OAS2: variants seen among roughly 807,000 people sequenced by gnomAD.
OAS2 encodes the protein 2'-5'-oligoadenylate synthase 2.
In OAS2, 67 loss-of-function variants were observed where a neutral mutation model predicts 71.3. The ratio of observed to expected loss-of-function variants is 0.94; its 90% CI spans 0.77 to 1.15. The LOEUF (loss-of-function observed/expected upper bound fraction) is 1.15. Ranked by LOEUF, OAS2 falls within the 50% of genes most tolerant of loss-of-function variation. OAS2 has a pLI of 0.00. For missense variants in OAS2, 789 were observed against 822.5 expected, an observed-to-expected ratio of 0.96 and a Z score of 0.50; for synonymous variants, 327 against 321.8, an observed-to-expected ratio of 1.02 and a Z score of -0.17.
chr12:112,990,132 A>AC (rs893866506), intron 2 of OAS2, among the ~76,000 whole-genome samples: 7 of 152,220 alleles, frequency 4.6e-5, no homozygotes, highest in African/African-American at 1.7e-4. Flanking sequence ...TAGGAAGTTG[A>AC]CCAAAAAGGC....
At chr12:112,992,414 G>A (rs1249230602) in intron 2 of OAS2, among the ~76,000 whole-genome samples, 6 of 134,654 alleles carry the variant, frequency 4.5e-5, no homozygotes, top group South Asian at 2.8e-4. Flanking sequence ...AAGAAAGAAA[G>A]AAAAGAAAAG....
At chr12:113,000,320 A>G (rs2044271701) in intron 5 of OAS2, among the ~76,000 whole-genome samples, 1 of 152,004 alleles carries the variant, frequency 6.6e-6, no homozygotes, top group Non-Finnish European at 1.5e-5. Context: ...CATCTCCTAA[A>G]CCATCTTTTG....
chr12:112,987,446 G>T, intron 2 of OAS2, 138 bp downstream of exon 2: 1 of 1,461,232 alleles, frequency 6.8e-7, no homozygotes. Flanking sequence ...CAGGAGAGAA[G>T]AATCCCTTCT....
rs762720259 is a variant in OAS2 at position 112,998,249 on chromosome 12, T to A, written c.864-17T>A. The A allele has an allele frequency of 1.9e-6, 3 of 1,606,794 alleles. No individual in the cohort carries two copies. The highest frequency in any genetic ancestry group is 2.5e-6 in the Non-Finnish European group (3 of 1,177,546). Reference sequence around the variant, plus strand: ...AAGCAGCTCAACTGACTTTTTTTAATCTAATGGAATACACAGGCCAGTAAT... The same window carrying A: ...AAGCAGCTCAACTGACTTTTTTTAAACTAATGGAATACACAGGCCAGTAAT... On this transcript the variant is annotated splice_polypyrimidine_tract_variant and intron_variant, in intron 4 of 9. Coordinates refer to ENST00000392583, the MANE Select transcript of OAS2 (RefSeq NM_002535.3).
At chr12:113,000,481 T>TAC (rs10543521) in intron 5 of OAS2, among the ~76,000 whole-genome samples, 23 of 150,554 alleles carry the variant, frequency 1.5e-4, no homozygotes, top group South Asian at 4.2e-4. Context: ...CATGCACACA[T>TAC]ACACACACAC....
Position 112,987,403 on chromosome 12 carries a change from T to C in OAS2, c.448+95T>C, listed in dbSNP as rs372539409. 8.7e-5 allele frequency: 133 copies of C among 1,522,948 alleles called. No individual in the cohort carries two copies. The African/African-American group carries it at 1.7e-3, about 19-fold the overall frequency. The allele number at this position is 1,522,948 out of a possible 1,614,324, so 94.3% of individuals were successfully genotyped here. A position where few individuals can be genotyped will look rare whatever the true frequency, so the allele number is the denominator to read the frequency against. On this transcript the variant is annotated intron_variant, in intron 2 of 9. Coordinates refer to ENST00000392583, the MANE Select transcript of OAS2 (RefSeq NM_002535.3). ...AGGCCATGAGTGGGATAGATACCACTGCTGCTTTAAAAAATGGGAGACCAT... is the reference window on the plus strand; with the variant it reads ...AGGCCATGAGTGGGATAGATACCACCGCTGCTTTAAAAAATGGGAGACCAT...
At chr12:112,993,180 G>A (rs530346308) in intron 2 of OAS2, among the ~76,000 whole-genome samples, 2 of 152,156 alleles carry the variant, frequency 1.3e-5, no homozygotes, top group East Asian at 3.9e-4. Flanking sequence ...AACTAATCTG[G>A]CCTATTTTTA....
chr12:113,009,889 C>T lies in OAS2; in HGVS notation c.*634C>T. ...CCTACCAAGATATACCTGATATATT[C>T]CACCAGGATATCCTCCCTCCAGATA... On this transcript the variant is annotated 3_prime_UTR_variant, in exon 10 of 10. Coordinates refer to ENST00000392583, the MANE Select transcript of OAS2 (RefSeq NM_002535.3). 1 of 986,940 alleles carries T rather than the reference C, an allele frequency of 1.0e-6. No homozygotes were observed. The highest frequency in any genetic ancestry group is 1.2e-6 in the Non-Finnish European group (1 of 831,098). 61.1% of individuals were successfully genotyped at this position (986,940 alleles called of 1,614,324 possible).
At chr12:113,008,715 T>C (rs1021413361) in intron 9 of OAS2, among the ~76,000 whole-genome samples, 1 of 152,156 alleles carries the variant, frequency 6.6e-6, no homozygotes, top group Non-Finnish European at 1.5e-5. Context: ...AACCTCTGCC[T>C]CCCGGGTTCA....
Position 113,009,113 on chromosome 12 carries a change from C to T in OAS2, c.1922C>T (p.Pro641Leu). Residue 641 changes from proline to leucine, a missense_variant, in exon 10 of 10, where the codon CCC becomes CTC. Coordinates refer to ENST00000392583, the MANE Select transcript of OAS2 (RefSeq NM_002535.3). ...CCTGTGATCTTGGACCCAGCCGAAC[C>T]CACAGGTGACGTGGGTGGAGGGGAC... ...TRPVILDPAE[P>L]TGDVGGGDRW... 1 of 1,613,814 alleles carries T rather than the reference C, an allele frequency of 6.2e-7. No individual in the cohort carries two copies. Among genetic ancestry groups the T allele is most frequent in the South Asian group, 1.1e-5 (1 of 91,060 alleles).
intron 2 of OAS2, chr12:112,987,754 AG>A (rs1321459565): frequency 1.0e-6 from 1 of 1,001,482 alleles, no homozygotes; most frequent in Non-Finnish European, 1.2e-6. Context: ...ATCTGGGAAA[AG>A]TCCAGCTGGG....
intron 2 of OAS2, 94 bp downstream of exon 2, chr12:112,987,402 C>T: frequency 6.6e-7 from 1 of 1,524,756 alleles, no homozygotes; most frequent in Non-Finnish European, 8.8e-7. Flanking sequence ...ATAGATACCA[C>T]TGCTGCTTTA....
Position 113,006,574 on chromosome 12 carries a change from C to A in OAS2, c.1630C>A (p.Arg544Ser). 6.2e-7 allele frequency: 1 copy of A among 1,607,956 alleles called. No homozygotes were observed. The highest frequency in any genetic ancestry group is 1.1e-5 in the South Asian group (1 of 90,584). The change falls in exon 8 of 10, where the codon CGC becomes AGC. Residue 544 changes from arginine (R) to serine (S), a missense_variant. Physicochemically the swap from Arg to Ser is moderately radical, Grantham distance 110. Transcript: ENST00000392583. ...GCCCACCAAACTAAAGGATTTAATT[C>A]GCCTGGTGAAGCACTGGTACAAAGA... is the stretch of plus-strand genomic sequence containing the variant. ...SRPTKLKDLIRLVKHWYKECE... is the reference protein window; with the variant it reads ...SRPTKLKDLISLVKHWYKECE...
rs535286783 is a variant in OAS2 at position 112,994,944 on chromosome 12, T to C, written c.449-352T>C. Among the ~76,000 whole-genome samples the C allele has an allele frequency of 7.9e-5, 12 of 152,350 alleles. No homozygotes were observed. In the South Asian group the frequency reaches 2.5e-3, roughly 32 times the overall value. ...ACTTTCCTTTCTTCCAGATGTATGC[T>C]AACTATGCCAACACAAACAATTTTT... On this transcript the variant is annotated intron_variant, in intron 2 of 9. Coordinates refer to ENST00000392583, the MANE Select transcript of OAS2 (RefSeq NM_002535.3).
intron 8 of OAS2, 108 bp from the exon 9 acceptor site, chr12:113,007,597 A>G (rs1472378915): frequency 2.3e-6 from 2 of 861,130 alleles, no homozygotes; most frequent in Non-Finnish European, 3.8e-6. Context: ...GCAGAGTGTG[A>G]GCACACCAGC....
Position 113,007,743 on chromosome 12 carries a change from A to C in OAS2, c.1695A>C (p.Pro565=), listed in dbSNP as rs754902809. ...TGAAGCCAAAGGGGTCTTTGCCCCC[A>C]AAGTATGCCTTGGAGCTGCTCACCA... is the stretch of plus-strand genomic sequence containing the variant. ...RKLKPKGSLP[P]KYALELLTIY... The change falls in exon 9 of 10, where the codon CCA becomes CCC. Residue 565 remains proline (P), a synonymous_variant. Coordinates refer to ENST00000392583, the MANE Select transcript of OAS2 (RefSeq NM_002535.3). The C allele has an allele frequency of 6.2e-7, 1 of 1,613,984 alleles. No homozygotes were observed. The highest frequency in any genetic ancestry group is 1.7e-5 in the Admixed American group (1 of 60,004).
chr12:113,001,258 T>G (rs893220535), intron 5 of OAS2, among the ~76,000 whole-genome samples: 18 of 151,864 alleles, frequency 1.2e-4, no homozygotes, highest in African/African-American at 4.4e-4. Flanking sequence ...GCAAGGGAGA[T>G]CAAGGTTGCA....
chr12:113,008,101 T>C (rs1369917763), intron 9 of OAS2, among the ~76,000 whole-genome samples, 158 bp downstream of exon 9: 2 of 152,066 alleles, frequency 1.3e-5, no homozygotes, highest in Non-Finnish European at 2.9e-5. Flanking sequence ...GGATAAAACC[T>C]AGCAGGGGCA....
At position 113,004,343 on chromosome 12, in the gene OAS2, A is replaced by G. The variant is rs534179648; in HGVS notation, c.1180-591A>G. Among the ~76,000 whole-genome samples the G allele has an allele frequency of 8.5e-5, 13 of 152,280 alleles. No homozygotes were observed. The South Asian group carries it at 2.7e-3, about 32-fold the overall frequency. On this transcript the variant is annotated intron_variant, in intron 6 of 9. Transcript: ENST00000392583. ...TTAATACCCATGGATAAAATAAAACATTTTTCTCTACAGAAACTAAATGGA... is the reference window on the plus strand; with the variant it reads ...TTAATACCCATGGATAAAATAAAACGTTTTTCTCTACAGAAACTAAATGGA...
Sources: allele counts gnomAD v4.1 joint callset (sites outside exome capture counted in the v4.1 genomes callset), GRCh38; gene constraint gnomAD v4.1.1; transcripts MANE v1.5; gene names NCBI Gene and HGNC (gene_info 2026-07-23, HGNC 2026-07-21).